Variants in YIPF3 observed in about 807,000 individuals in gnomAD.
The protein encoded by YIPF3 is protein YIPF3.
YIPF3 carries 18 observed loss-of-function variants against 40.3 expected under a neutral mutation model. The observed-to-expected ratio is 0.45, with a 90% CI of 0.31 to 0.66. The LOEUF (loss-of-function observed/expected upper bound fraction) is 0.66, where lower values mean the gene tolerates loss of function less well. Among genes scored for constraint, YIPF3 ranks in the 30% least tolerant of loss-of-function variants. YIPF3 has a pLI of 0.07. For missense variants in YIPF3, 406 were observed against 452.2 expected, an observed-to-expected ratio of 0.90 and a Z score of 0.93; for synonymous variants, 190 against 179.6, an observed-to-expected ratio of 1.06 and a Z score of -0.46.
intron 1 of YIPF3, 141 bp downstream of exon 1, chr6:43,516,586 T>G (rs1792841130): frequency 2.0e-6 from 2 of 989,370 alleles, no homozygotes; most frequent in Admixed American, 2.5e-5. Flanking sequence ...TTAATCCCAC[T>G]GACTTTAGTG....
intron 1 of YIPF3, 101 bp from the exon 2 acceptor site, chr6:43,516,196 GA>G: frequency 2.6e-6 from 4 of 1,547,994 alleles, no homozygotes; most frequent in Non-Finnish European, 3.5e-6. Flanking sequence ...CACTGCTGAG[GA>G]TACGGCTTGG....
chr6:43,512,337 A>G (rs1187476245), intron 8 of YIPF3, 22 bp from the exon 9 acceptor site: 17 of 1,611,308 alleles, frequency 1.1e-5, no homozygotes, highest in Non-Finnish European at 1.4e-5. Context: ...ATGGAAGGTG[A>G]GCGAGGATCA....
intron 1 of YIPF3, 152 bp from the exon 2 acceptor site, chr6:43,516,247 C>T (rs1028783160): frequency 7.6e-6 from 11 of 1,441,308 alleles, no homozygotes; most frequent in Non-Finnish European, 1.0e-5. Context: ...CCCTCATATG[C>T]TCTCAGAACG....
At chr6:43,514,500 G>T (rs1792734989) in intron 3 of YIPF3, among the ~76,000 whole-genome samples, 1 of 152,150 alleles carries the variant, frequency 6.6e-6, no homozygotes, top group Non-Finnish European at 1.5e-5. Context: ...CTCTCAAGTG[G>T]CTAGCTCCTA....
At chr6:43,516,657 G>A (rs1792844205) in intron 1 of YIPF3, 70 bp downstream of exon 1, 4 of 1,559,176 alleles carry the variant, frequency 2.6e-6, no homozygotes, top group African/African-American at 1.4e-5. Flanking sequence ...CCCAGAGGGG[G>A]AATCCCCAAG....
rs1792827959 is a variant in YIPF3, at chr6:43,516,301, A to T, written c.82-206T>A. 7 of 1,175,430 alleles carry T rather than the reference A, an allele frequency of 6.0e-6. No homozygotes were observed. The South Asian group carries it at 1.2e-4, about 20-fold the overall frequency. The allele number at this position is 1,175,430 out of a possible 1,614,324, so 72.8% of individuals were successfully genotyped here. ...CTATCTTTTCTAGCCTGGGAAACCT[A>T]CTAGTCTTCCATTCATGTCTTTCTC... On this transcript the variant is annotated intron_variant, in intron 1 of 8. Coordinates refer to ENST00000372422, the MANE Select transcript of YIPF3 (RefSeq NM_015388.4).
At position 43,513,582 on chromosome 6, in the gene YIPF3, A is replaced by G. The variant is rs1243478838; in HGVS notation, c.441+6T>C. On this transcript the variant is annotated splice_donor_region_variant and intron_variant, in intron 4 of 8. Coordinates refer to ENST00000372422, the MANE Select transcript of YIPF3 (RefSeq NM_015388.4). ...CGGCTCTCCAGACATGCCACCCTCT[A>G]TTCACCTGGGGGAAGTTGACCATCT... is the stretch of plus-strand genomic sequence containing the variant. The G allele has an allele frequency of 1.3e-6, 2 of 1,586,358 alleles. No homozygotes were observed. The highest frequency in any genetic ancestry group is 2.2e-5 in the East Asian group (1 of 44,694).
chr6:43,515,393 G>A (rs1561853993), intron 3 of YIPF3: 1 of 672,470 alleles, frequency 1.5e-6, no homozygotes. Flanking sequence ...GGTTTTGAGG[G>A]AAGATGAGTA....
intron 7 of YIPF3, 98 bp from the exon 8 acceptor site, chr6:43,512,661 C>G (rs1792697174): frequency 1.9e-6 from 3 of 1,542,022 alleles, no homozygotes; most frequent in Non-Finnish European, 2.6e-6. Context: ...TGGGCTCTTC[C>G]CTCCCATTTA....
intron 4 of YIPF3, 66 bp downstream of exon 4, chr6:43,513,522 C>G (rs1792713335): frequency 2.5e-6 from 4 of 1,609,060 alleles, no homozygotes; most frequent in South Asian, 1.1e-5. Flanking sequence ...CCAGGATTTG[C>G]CTGGTGGTCC....
chr6:43,515,444 A>G, intron 3 of YIPF3, 151 bp downstream of exon 3: 3 of 749,260 alleles, frequency 4.0e-6, no homozygotes, highest in South Asian at 1.5e-5. Flanking sequence ...GTGTGCTATT[A>G]TTACTTGTTT....
chr6:43,516,660 T>A (rs1287750289), intron 1 of YIPF3, 67 bp downstream of exon 1: 1 of 1,568,896 alleles, frequency 6.4e-7, no homozygotes, highest in Non-Finnish European at 8.7e-7. Context: ...AGAGGGGGAA[T>A]CCCCAAGACA....
At chr6:43,515,847 T>C (rs530353759) in intron 2 of YIPF3, 42 bp downstream of exon 2, 1 of 1,585,200 alleles carries the variant, frequency 6.3e-7, no homozygotes, top group Non-Finnish European at 8.6e-7. Context: ...GGGACATACC[T>C]AGGTCTACTT....
chr6:43,513,254 C>T (rs1792708333), intron 5 of YIPF3, 54 bp from the exon 6 acceptor site: 3 of 1,613,212 alleles, frequency 1.9e-6, no homozygotes, highest in African/African-American at 2.7e-5. Flanking sequence ...TCAGCCTCAC[C>T]TAGGGCCTTC....
rs1224262335 is a variant in YIPF3, at chr6:43,515,954, C to T, written c.223G>A (p.Glu75Lys). 1 of 1,614,026 alleles carries T rather than the reference C, an allele frequency of 6.2e-7. No individual in the cohort carries two copies. Among genetic ancestry groups the T allele is most frequent in the Admixed American group, 1.7e-5 (1 of 59,980 alleles). The change falls in exon 2 of 9, where the codon GAG becomes AAG. Residue 75 changes from glutamate to lysine, a missense_variant. Glu to Lys is a moderately conservative substitution (Grantham distance 56). Coordinates refer to ENST00000372422, the MANE Select transcript of YIPF3 (RefSeq NM_015388.4). ...DAADAAAAEEEDGEFLGMKGF... is the reference protein window; with the variant it reads ...DAADAAAAEEKDGEFLGMKGF... ...TTCATGCCCAGGAACTCTCCATCCTCCTCTTCAGCAGCAGCTGCATCAGCT... is the reference window on the plus strand; with the variant it reads ...TTCATGCCCAGGAACTCTCCATCCTTCTCTTCAGCAGCAGCTGCATCAGCT...
chr6:43,515,649 T>C lies in YIPF3; in HGVS notation c.341A>G (p.Asn114Ser), dbSNP rs1402411239. The change falls in exon 3 of 9, where the codon AAC becomes AGC. Residue 114 changes from asparagine to serine, a missense_variant. Coordinates refer to ENST00000372422, the MANE Select transcript of YIPF3 (RefSeq NM_015388.4). ...QASRAFSLYA[N>S]IDILRPYFDV... ...AAAGTAGGGTCTGAGGATGTCGATG[T>C]TGGCGTACAAGCTGAAGGCCCTGGA... is the stretch of plus-strand genomic sequence containing the variant. 2 of 1,613,962 alleles carry C rather than the reference T, an allele frequency of 1.2e-6. No homozygotes were observed. Among genetic ancestry groups the C allele is most frequent in the East Asian group, 2.2e-5 (1 of 44,882 alleles).
chr6:43,516,653 G>C (rs1792844122), intron 1 of YIPF3, 74 bp downstream of exon 1: 7 of 1,552,362 alleles, frequency 4.5e-6, no homozygotes, highest in Non-Finnish European at 5.3e-6. Context: ...CAGGCCCAGA[G>C]GGGGAATCCC....
chr6:43,514,026 G>T (rs565916347), intron 3 of YIPF3, among the ~76,000 whole-genome samples: 1 of 152,370 alleles, frequency 6.6e-6, no homozygotes, highest in East Asian at 1.9e-4. Flanking sequence ...CAGATCACAA[G>T]GTCAGGAGTT....
intron 3 of YIPF3, chr6:43,515,112 C>T: frequency 5.6e-6 from 2 of 356,754 alleles, no homozygotes; most frequent in South Asian, 4.2e-5. Context: ...CATTCTCCTG[C>T]CTCAGCCTCC....
Sources: gnomAD v4.1 joint callset for allele counts (sites outside exome capture counted in the v4.1 genomes callset) on GRCh38, gnomAD v4.1.1 for gene constraint, MANE v1.5 for transcripts, NCBI Gene and HGNC (gene_info 2026-07-23, HGNC 2026-07-21) for gene names.